Variants in NAA35 observed in about 807,000 individuals in gnomAD.
NAA35 encodes MAK10 homolog, amino-acid N-acetyltransferase subunit.
NAA35 carries 18 observed loss-of-function variants against 101.7 expected under a neutral mutation model. The ratio of observed to expected loss-of-function variants is 0.18; its 90% CI spans 0.12 to 0.26. The LOEUF is 0.26. Among genes scored for constraint, NAA35 ranks in the 10% least tolerant of loss-of-function variants. The probability of loss-of-function intolerance (pLI) is 1.00; values close to 1 mark genes in which losing one functional copy is unlikely to be tolerated. For missense variants in NAA35, 601 were observed against 886.8 expected (o/e 0.68, Z 4.09); for synonymous variants, 267 against 273.1 (o/e 0.98, Z 0.22).
chr9:86,021,923 C>T lies in NAA35; in HGVS notation c.2141C>T (p.Ser714Phe), dbSNP rs1832579824. The T allele has an allele frequency of 6.2e-7, 1 of 1,613,384 alleles. No homozygotes were observed. The highest frequency in any genetic ancestry group is 1.1e-5 in the South Asian group (1 of 90,974). Residue 714 changes from serine (S) to phenylalanine (F), a missense_variant, in exon 23 of 23, where the codon TCT (serine) becomes TTT (phenylalanine). Around this residue, in one of 8 missense-constraint regions of NAA35, gnomAD observed 21 missense variants for 51.4 expected, o/e 0.41. Coordinates refer to ENST00000361671, the MANE Select transcript of NAA35 (RefSeq NM_024635.4). ...CAGGTTCCTCCTGAATTTGATTTCT[C>T]TGCTCATAAATATTTTCCTGTTGTG... ...ESKVPPEFDF[S>F]AHKYFPVVKL...
chr9:86,018,347 A>G lies in NAA35; in HGVS notation c.1866A>G (p.Pro622=), dbSNP rs780489029. ...TTCGGTATGAACACAGGTTTGCTCCATTCAACAGTGTGATGACCCCGCCGC... is the reference window on the plus strand; with the variant it reads ...TTCGGTATGAACACAGGTTTGCTCCGTTCAACAGTGTGATGACCCCGCCGC... ...EQVRYEHRFA[P]FNSVMTPPPV... Residue 622 remains proline, a synonymous_variant, in exon 20 of 23, where the codon CCA becomes CCG. Coordinates refer to ENST00000361671, the MANE Select transcript of NAA35 (RefSeq NM_024635.4). The G allele has an allele frequency of 2.5e-5, 40 of 1,613,880 alleles. No homozygotes were observed. The highest frequency in any genetic ancestry group is 3.1e-5 in the Non-Finnish European group (37 of 1,179,882).
At chr9:85,941,978 C>T in intron 1 of NAA35, 177 bp from the exon 2 acceptor site, 1 of 1,232,908 alleles carries the variant, frequency 8.1e-7, no homozygotes, top group South Asian at 2.2e-5. Flanking sequence ...TGTTAATTGA[C>T]GTGCGATTTG....
intron 12 of NAA35, among the ~76,000 whole-genome samples, chr9:86,002,007 C>A (rs1360863225): frequency 6.6e-6 from 1 of 152,064 alleles, no homozygotes; most frequent in Non-Finnish European, 1.5e-5. Context: ...TGGTAGTAGT[C>A]TTTCCTTTCT....
chr9:85,971,137 A>G (rs1435278615), intron 6 of NAA35, among the ~76,000 whole-genome samples: 14 of 152,182 alleles, frequency 9.2e-5, no homozygotes, highest in Admixed American at 2.0e-4. Context: ...CCTTGTATCT[A>G]CAGTCCCATT....
chr9:86,005,877 A>C (rs1350713846), intron 13 of NAA35, among the ~76,000 whole-genome samples: 1 of 150,442 alleles, frequency 6.6e-6, no homozygotes, highest in Non-Finnish European at 1.5e-5. Context: ...ATATCTTTAA[A>C]AAAAAAAAAA....
At chr9:85,963,438 T>G (rs1415533760) in intron 6 of NAA35, among the ~76,000 whole-genome samples, 1 of 151,678 alleles carries the variant, frequency 6.6e-6, no homozygotes, top group Non-Finnish European at 1.5e-5. Flanking sequence ...GCCTGGCTAA[T>G]TTTGTATTTT....
At chr9:86,006,661 A>G (rs1366526780) in intron 13 of NAA35, among the ~76,000 whole-genome samples, 1 of 152,110 alleles carries the variant, frequency 6.6e-6, no homozygotes, top group Non-Finnish European at 1.5e-5. Flanking sequence ...TTTGACCACA[A>G]AGGGATCACA....
chr9:85,941,876 T>G (rs1587541839), intron 1 of NAA35: 1 of 1,130,862 alleles, frequency 8.8e-7, no homozygotes, highest in Non-Finnish European at 1.1e-6. Context: ...GGGCCAGAGG[T>G]GAGATGGTTT....
intron 2 of NAA35, among the ~76,000 whole-genome samples, chr9:85,947,866 C>T (rs1010120537): frequency 6.6e-6 from 1 of 152,148 alleles, no homozygotes; most frequent in Non-Finnish European, 1.5e-5. Flanking sequence ...ACTTAACACC[C>T]TTAAGAACTA....
Position 85,978,275 on chromosome 9 carries a change from T to C in NAA35, c.771T>C (p.Ala257=). The C allele has an allele frequency of 6.2e-7, 1 of 1,606,048 alleles. No individual in the cohort carries two copies. The highest frequency in any genetic ancestry group is 8.5e-7 in the Non-Finnish European group (1 of 1,172,766). Residue 257 remains alanine, a synonymous_variant, in exon 11 of 23, where the codon GCT becomes GCC. Transcript: ENST00000361671. ...LIAFTKKETS[A]VAEAQKLMVQ... ...GGTGATTTATTTGCTAGACCAGTGC[T>C]GTTGCAGAAGCTCAAAAATTGATGG...
chr9:86,017,779 G>C (rs1320227987), intron 19 of NAA35, among the ~76,000 whole-genome samples: 1 of 152,156 alleles, frequency 6.6e-6, no homozygotes, highest in Non-Finnish European at 1.5e-5. Context: ...GTACATTGCA[G>C]GAGATACCAA....
chr9:85,985,112 C>T (rs1224377222), intron 11 of NAA35, among the ~76,000 whole-genome samples: 1 of 152,122 alleles, frequency 6.6e-6, no homozygotes, highest in Non-Finnish European at 1.5e-5. Context: ...TACTGCGGCC[C>T]ACCCACTTGA....
chr9:86,022,728 G>A lies in NAA35; in HGVS notation c.*768G>A, dbSNP rs1832623797. 6.6e-6 allele frequency among the ~76,000 whole-genome samples: 1 copy of A among 152,140 alleles called. No homozygotes were observed. Among genetic ancestry groups the A allele is most frequent in the South Asian group, 2.1e-4 (1 of 4,816 alleles). Reference sequence around the variant, plus strand: ...TAACCCATGAAACATTTTCAAATGGGTGTCTGTTCAGTATCCTCTGGCTTT... The same window carrying A: ...TAACCCATGAAACATTTTCAAATGGATGTCTGTTCAGTATCCTCTGGCTTT... On this transcript the variant is annotated 3_prime_UTR_variant, in exon 23 of 23. Coordinates refer to ENST00000361671, the MANE Select transcript of NAA35 (RefSeq NM_024635.4).
intron 11 of NAA35, among the ~76,000 whole-genome samples, chr9:85,985,809 G>C (rs1830624099): frequency 6.6e-6 from 1 of 152,150 alleles, no homozygotes; most frequent in Non-Finnish European, 1.5e-5. Flanking sequence ...CAGACTGGGG[G>C]GAAATGGTTT....
chr9:86,025,000 GGAA>G lies in NAA35; in HGVS notation c.*3044_*3046del, dbSNP rs1308883982. Among the ~76,000 whole-genome samples, 1 of 152,140 alleles carries G rather than the reference GGAA, an allele frequency of 6.6e-6. No individual in the cohort carries two copies. Among genetic ancestry groups the G allele is most frequent in the Non-Finnish European group, 1.5e-5 (1 of 68,032 alleles). On this transcript the variant is annotated 3_prime_UTR_variant, in exon 23 of 23. Transcript: ENST00000361671. ...ACTGAGGTGGTGGGACAGGCTGCAG[GGAA>G]GAATACCTCAAAATCATACGAGGCC...
chr9:85,961,828 T>C (rs1017569306), intron 5 of NAA35, among the ~76,000 whole-genome samples, 185 bp from the exon 6 acceptor site: 6 of 152,190 alleles, frequency 3.9e-5, no homozygotes, highest in Non-Finnish European at 5.9e-5. Flanking sequence ...TGTACGACAA[T>C]GATTCCCATA....
intron 2 of NAA35, among the ~76,000 whole-genome samples, chr9:85,952,424 T>G (rs547020713): frequency 1.3e-5 from 2 of 152,132 alleles, no homozygotes; most frequent in South Asian, 4.2e-4. Context: ...TAGCTGGGAT[T>G]ACAGGCGCAC....
rs10123519 is a variant in NAA35, at chr9:85,946,469, C to T, written c.124+4186C>T. Among the ~76,000 whole-genome samples the T allele has an allele frequency of 4.0e-3, 602 of 152,234 alleles. 5 individuals are homozygous for T. The highest frequency in any genetic ancestry group is 0.014 in the African/African-American group (569 of 41,534). On this transcript the variant is annotated intron_variant, in intron 2 of 22. Transcript: ENST00000361671. The stretch of plus-strand genomic sequence containing the variant: ...TGGTATCTGGAGCCCAGGAGTAATC[C>T]AAAATCTGCCATGCTGACTTCCATT...
chr9:86,001,860 G>A (rs193289693), intron 12 of NAA35, among the ~76,000 whole-genome samples: 117 of 152,100 alleles, frequency 7.7e-4, no homozygotes, highest in Non-Finnish European at 8.1e-4. Context: ...CATTTAGCCC[G>A]TTTACATTCA....
Sources: gnomAD v4.1 joint callset for allele counts (sites outside exome capture counted in the v4.1 genomes callset) on GRCh38, gnomAD v4.1.1 for gene constraint, gnomAD v4.1.1 regional missense constraint, MANE v1.5 for transcripts, NCBI Gene and HGNC (gene_info 2026-07-23, HGNC 2026-07-21) for gene names.